Variants in CD8A observed in about 807,000 individuals in gnomAD.
CD8A encodes T-cell surface glycoprotein CD8 alpha chain.
In CD8A, 25 loss-of-function variants were observed where a neutral mutation model predicts 24.2. The observed-to-expected ratio is 1.03, with a 90% CI of 0.75 to 1.44. The LOEUF is 1.44. CD8A is among the 40% of genes most tolerant of loss of function. The probability of loss-of-function intolerance (pLI) is 0.00; values close to 1 mark genes in which losing one functional copy is unlikely to be tolerated. For synonymous variants in CD8A, 165 were observed against 149.9 expected (o/e 1.10, Z -0.74); for missense variants, 360 against 319.7 (o/e 1.13, Z -0.96).
rs888957496 is a variant in CD8A, at chr2:86,788,631, TTTGTTGTTGCTG to T, written c.626-83_626-72del. 16 of 1,410,580 alleles carry T rather than the reference TTTGTTGTTGCTG, an allele frequency of 1.1e-5. No individual in the cohort carries two copies. In the African/African-American group the frequency reaches 1.7e-4, roughly 15 times the overall value. 87.4% of individuals were successfully genotyped at this position (1,410,580 alleles called of 1,614,324 possible). A position where few individuals can be genotyped will look rare whatever the true frequency, so the allele number is the denominator to read the frequency against. On this transcript the variant is annotated intron_variant, in intron 4 of 5. Coordinates refer to ENST00000283635, the MANE Select transcript of CD8A (RefSeq NM_001768.7). ...AATAGTCCCCAAAGACAGTGTATTT[TTTGTTGTTGCTG>T]TTGTTGTTGCTGCTGTTTTTTGGTT...
exon 1 of CD8A, chr2:86,808,124 T>G (rs1034157777): frequency 3.3e-5 from 5 of 152,314 alleles, no homozygotes; most frequent in Non-Finnish European, 7.3e-5. Context: ...TTCACCTTTC[T>G]GTACACAGCA....
upstream of CD8A, chr2:86,791,021 G>A (rs1673283918): frequency 2.8e-6 from 2 of 726,062 alleles, no homozygotes; most frequent in African/African-American, 3.5e-5. Flanking sequence ...TCGCCTTCCA[G>A]CCCGGCGAGG....
intron 3 of CD8A, among the ~76,000 whole-genome samples, chr2:86,796,166 T>C (rs577123234): frequency 1.3e-5 from 2 of 152,274 alleles, no homozygotes; most frequent in African/African-American, 4.8e-5. Flanking sequence ...GAGAAATTCA[T>C]AGAGAATGCA....
intron 2 of CD8A, among the ~76,000 whole-genome samples, chr2:86,803,226 T>C (rs987440771): frequency 3.9e-5 from 6 of 152,158 alleles, no homozygotes; most frequent in African/African-American, 7.2e-5. Flanking sequence ...ACTGGATGAA[T>C]AGATAAACAA....
At chr2:86,802,762 C>A (rs1673716731) in intron 2 of CD8A, among the ~76,000 whole-genome samples, 1 of 152,188 alleles carries the variant, frequency 6.6e-6, no homozygotes, top group Non-Finnish European at 1.5e-5. Context: ...AGGTGTGCAC[C>A]ACCACACCCG....
At position 86,790,658 on chromosome 2, in the gene CD8A, G is replaced by A. The variant is rs1428537849; in HGVS notation, c.73C>T (p.Arg25Trp). ...CAGGTCCGATCCAGCGGCGACACCC[G>A]GAACTGGCTCGGCCTGGCGGCGTCT... ...LLHAARPSQFRVSPLDRTWNL... is the reference protein window; with the variant it reads ...LLHAARPSQFWVSPLDRTWNL... Residue 25 changes from arginine to tryptophan, a missense_variant, in exon 2 of 6, where the codon CGG becomes TGG. Physicochemically the swap from Arg to Trp is moderately radical, Grantham distance 101. Transcript: ENST00000283635. The A allele has an allele frequency of 3.7e-6, 6 of 1,600,516 alleles. No homozygotes were observed. The highest frequency in any genetic ancestry group is 2.2e-5 in the East Asian group (1 of 44,816).
At position 86,785,314 on chromosome 2, in the gene CD8A, T is replaced by C. The variant is rs1208687927; in HGVS notation, c.*606A>G. The C allele has an allele frequency of 6.6e-6, 3 of 453,976 alleles. No individual in the cohort carries two copies. The highest frequency in any genetic ancestry group is 6.0e-5 in the African/African-American group (3 of 49,998). 28.1% of individuals were successfully genotyped at this position (453,976 alleles called of 1,614,324 possible). A position where few individuals can be genotyped will look rare whatever the true frequency, so the allele number is the denominator to read the frequency against. ...TCTGATATTGTTTACATTATAGAACTCTGCCAAAGGCAGTTCTCTTCTTTA... is the reference window on the plus strand; with the variant it reads ...TCTGATATTGTTTACATTATAGAACCCTGCCAAAGGCAGTTCTCTTCTTTA... On this transcript the variant is annotated 3_prime_UTR_variant, in exon 6 of 6. Transcript: ENST00000283635.
intron 5 of CD8A, among the ~76,000 whole-genome samples, chr2:86,788,064 C>A (rs1384541155): frequency 6.6e-6 from 1 of 151,948 alleles, no homozygotes; most frequent in Non-Finnish European, 1.5e-5. Context: ...AGTTAGCAAC[C>A]AAAGCCATTA....
intron 2 of CD8A, 115 bp downstream of exon 2, chr2:86,790,213 T>C: frequency 1.3e-6 from 1 of 790,878 alleles, no homozygotes; most frequent in Non-Finnish European, 2.2e-6. Context: ...GGGAACAGTA[T>C]CTAAGTCGCT....
chr2:86,794,813 T>C (rs1673427868), upstream of CD8A, among the ~76,000 whole-genome samples: 1 of 152,182 alleles, frequency 6.6e-6, no homozygotes, highest in South Asian at 2.1e-4. Context: ...GTCTCTGTCC[T>C]CTTGTCTGTC....
chr2:86,792,645 C>T (rs1673349754), upstream of CD8A, among the ~76,000 whole-genome samples: 2 of 151,958 alleles, frequency 1.3e-5, no homozygotes, highest in South Asian at 4.1e-4. Flanking sequence ...CAGGAGCACA[C>T]CACCATGCCC....
At chr2:86,790,704 C>G in intron 1 of CD8A, 23 bp from the exon 2 acceptor site, 3 of 1,585,870 alleles carry the variant, frequency 1.9e-6, no homozygotes, top group Non-Finnish European at 2.6e-6. Context: ...AGCAGCGAGG[C>G]TGAGCCCGCA....
At chr2:86,797,453 C>A (rs1417378588) in intron 3 of CD8A, among the ~76,000 whole-genome samples, 2 of 152,096 alleles carry the variant, frequency 1.3e-5, no homozygotes, top group Admixed American at 1.3e-4. Flanking sequence ...GAGAGGACAT[C>A]AAAGCCTGTG....
upstream of CD8A, chr2:86,791,540 G>C (rs1369666281): frequency 2.2e-6 from 1 of 454,186 alleles, no homozygotes; most frequent in Non-Finnish European, 4.4e-6. Context: ...TGGAGCCATT[G>C]CAACAGCCTT....
rs562063776 is a variant in CD8A at position 86,790,698 on chromosome 2, G to C, written c.50-17C>G. On this transcript the variant is annotated splice_polypyrimidine_tract_variant and intron_variant, in intron 1 of 5. Transcript: ENST00000283635. Reference sequence around the variant, plus strand: ...TGGCGGCGTCTGCAGGCGGCAAGCAGCGAGGCTGAGCCCGCAGTCCCGCGC... The same window carrying C: ...TGGCGGCGTCTGCAGGCGGCAAGCACCGAGGCTGAGCCCGCAGTCCCGCGC... 6.3e-4 allele frequency: 1,004 copies of C among 1,590,150 alleles called. 1 individual carries two copies. Among genetic ancestry groups the C allele is most frequent in the Middle Eastern group, 1.3e-3 (6 of 4,752 alleles).
chr2:86,801,087 C>A (rs1673656538), intron 3 of CD8A, among the ~76,000 whole-genome samples: 1 of 152,162 alleles, frequency 6.6e-6, no homozygotes, highest in South Asian at 2.1e-4. Flanking sequence ...CTGTAGCCCT[C>A]AGAAGGAACA....
At chr2:86,792,548 AGT>A (rs10587746), upstream of CD8A, among the ~76,000 whole-genome samples, 51,360 of 151,286 alleles carry the variant, frequency 0.34, 10,343 homozygotes, top group African/African-American at 0.57. Flanking sequence ...GCTGGAGTGC[AGT>A]GTGGCACCAC....
rs758328226 is a variant in CD8A, at chr2:86,785,932, C to T, written c.696G>A (p.Ala232=). The change falls in exon 6 of 6, where the codon GCG becomes GCA. Residue 232 remains alanine (A), a synonymous_variant. Coordinates refer to ENST00000283635, the MANE Select transcript of CD8A (RefSeq NM_001768.7). ...VKSGDKPSLS[A]RYV ...CTGTTGCACAGGGTTAGACGTATCT[C>T]GCCGAAAGGCTGGGCTTGTCTCCCG... The T allele has an allele frequency of 9.9e-6, 16 of 1,613,304 alleles. No homozygotes were observed. The East Asian group carries it at 3.3e-4, about 34-fold the overall frequency.
At chr2:86,792,306 A>C (rs1445403131), upstream of CD8A, among the ~76,000 whole-genome samples, 2 of 151,926 alleles carry the variant, frequency 1.3e-5, no homozygotes, top group Non-Finnish European at 2.9e-5. Flanking sequence ...GAGACAAGAC[A>C]CCTGGCATTC....
Sources: allele counts gnomAD v4.1 joint callset (sites outside exome capture counted in the v4.1 genomes callset), GRCh38; gene constraint gnomAD v4.1.1; transcripts MANE v1.5; gene names NCBI Gene and HGNC (gene_info 2026-07-23, HGNC 2026-07-21).